Variants in CREBBP observed in about 807,000 individuals in gnomAD.
CREBBP encodes the protein CREB-binding protein.
In CREBBP, 19 loss-of-function variants were observed where a neutral mutation model predicts 265.0. The observed-to-expected ratio is 0.07, with a 90% confidence interval of 0.05 to 0.11. The LOEUF (loss-of-function observed/expected upper bound fraction) is 0.11. CREBBP is among the 10% of genes least tolerant of loss of function. CREBBP has a pLI of 1.00. For synonymous variants in CREBBP, 1,457 were observed against 1,223.7 expected (o/e 1.19, Z -3.98); for missense variants, 2,525 against 3,219.0 (o/e 0.78, Z 5.22).
intron 27 of CREBBP, 80 bp from the exon 28 acceptor site, chr16:3,736,283 G>C (rs995450485): frequency 7.0e-7 from 1 of 1,438,664 alleles, no homozygotes; most frequent in Non-Finnish European, 9.8e-7. Flanking sequence ...CCCCACGCAA[G>C]CGTGCCCCTC....
chr16:3,809,842 C>T (rs369399815), intron 3 of CREBBP, among the ~76,000 whole-genome samples: 1 of 152,120 alleles, frequency 6.6e-6, no homozygotes, highest in African/African-American at 2.4e-5. Context: ...ATCACTATGG[C>T]AGCTGGGAAG....
At chr16:3,776,698 C>G (rs1012667978) in intron 11 of CREBBP, among the ~76,000 whole-genome samples, 1 of 152,076 alleles carries the variant, frequency 6.6e-6, no homozygotes, top group Non-Finnish European at 1.5e-5. Flanking sequence ...CGTACCACAC[C>G]CCCTTCACCA....
rs757115356 is a variant in CREBBP, at chr16:3,728,491, T to C, written c.6556A>G (p.Asn2186Asp). 3.7e-6 allele frequency: 6 copies of C among 1,613,998 alleles called. No homozygotes were observed. The highest frequency in any genetic ancestry group is 5.1e-6 in the Non-Finnish European group (6 of 1,179,978). ...CGTAACATTTCTCGGTACTGTGGATTCATACTCGCCATGTTGGGGTTGTGT... is the reference window on the plus strand; with the variant it reads ...CGTAACATTTCTCGGTACTGTGGATCCATACTCGCCATGTTGGGGTTGTGT... ...PGHNPNMASM[N>D]PQYREMLRRQ... The change falls in exon 31 of 31, where the codon AAT becomes GAT. Residue 2186 changes from asparagine (N) to aspartate (D), a missense_variant. Physicochemically the swap from Asn to Asp is conservative, Grantham distance 23. Coordinates refer to ENST00000262367, the MANE Select transcript of CREBBP (RefSeq NM_004380.3). This position sits in a 1 kb window ranked among gnomAD's most constrained non-coding sequence, Gnocchi z 8.7.
Position 3,847,704 on chromosome 16 carries a change from G to A in CREBBP, c.798+2593C>T, listed in dbSNP as rs369212149. Among the ~76,000 whole-genome samples, 9 of 152,282 alleles carry A rather than the reference G, an allele frequency of 5.9e-5. No homozygotes were observed. In the South Asian group the frequency reaches 1.2e-3, roughly 21 times the overall value. Reference sequence around the variant, plus strand: ...GACAGAGAAGCATGAAGTGTTACAGGTGTAATCAGCAAAGTCCAACTTCTG... The same window carrying A: ...GACAGAGAAGCATGAAGTGTTACAGATGTAATCAGCAAAGTCCAACTTCTG... On this transcript the variant is annotated intron_variant, in intron 2 of 30. Coordinates refer to ENST00000262367, the MANE Select transcript of CREBBP (RefSeq NM_004380.3).
chr16:3,738,551 A>G lies in CREBBP; in HGVS notation c.4394+8T>C, dbSNP rs750961246. On this transcript the variant is annotated splice_region_variant and intron_variant, in intron 26 of 30. Transcript: ENST00000262367. The stretch of plus-strand genomic sequence containing the variant: ...TTACTAGTTCCAAATAATTTAATCC[A>G]AACTCACCCTAATTTCTTCACATAC... 9.0e-6 allele frequency: 14 copies of G among 1,550,816 alleles called. No homozygotes were observed. The Admixed American group carries it at 1.0e-4, about 11-fold the overall frequency.
intron 1 of CREBBP, among the ~76,000 whole-genome samples, chr16:3,871,438 T>C (rs554400175): frequency 1.3e-5 from 2 of 152,330 alleles, no homozygotes; most frequent in South Asian, 4.1e-4. Flanking sequence ...AGGTGACAAA[T>C]ACTCAAAATA....
At position 3,728,365 on chromosome 16, in the gene CREBBP, G is replaced by C. The variant is rs1207709541; in HGVS notation, c.6682C>G (p.His2228Asp). The C allele has an allele frequency of 6.2e-7, 1 of 1,603,164 alleles. No individual in the cohort carries two copies. Among genetic ancestry groups the C allele is most frequent in the South Asian group, 1.1e-5 (1 of 90,230 alleles). ...SAGMAGGMAG[H>D]GQFQQPQGPG... is the part of the protein sequence containing the mutation. Reference sequence around the variant, plus strand: ...CCTTGAGGCTGCTGGAACTGGCCGTGCCCCGCCATGCCCCCAGCCATGCCG... The same window carrying C: ...CCTTGAGGCTGCTGGAACTGGCCGTCCCCCGCCATGCCCCCAGCCATGCCG... Residue 2228 changes from histidine to aspartate, a missense_variant, in exon 31 of 31, where the codon CAC becomes GAC. By Grantham distance (81) the His-to-Asp change is moderately conservative (BLOSUM62 -1). Coordinates refer to ENST00000262367, the MANE Select transcript of CREBBP (RefSeq NM_004380.3). This position sits in a 1 kb window ranked among gnomAD's most constrained non-coding sequence, Gnocchi z 8.7.
chr16:3,778,587 G>A, intron 9 of CREBBP, 113 bp downstream of exon 9: 1 of 925,720 alleles, frequency 1.1e-6, no homozygotes, highest in Non-Finnish European at 1.8e-6. Context: ...CTCAAGGGGA[G>A]GAGTCTGTCC....
In CREBBP at chr16:3,810,799, A is replaced by T; in HGVS notation, c.799-20T>A. On this transcript the variant is annotated intron_variant, in intron 2 of 30. Coordinates refer to ENST00000262367, the MANE Select transcript of CREBBP (RefSeq NM_004380.3). Reference sequence around the variant, plus strand: ...TCCCATCTGAAACAAAAAAGAGGTAACATCAGCTGTGGTGACGCAGTCAAT... The same window carrying T: ...TCCCATCTGAAACAAAAAAGAGGTATCATCAGCTGTGGTGACGCAGTCAAT... 1 of 1,613,376 alleles carries T rather than the reference A, an allele frequency of 6.2e-7. No individual in the cohort carries two copies. Among genetic ancestry groups the T allele is most frequent in the Non-Finnish European group, 8.5e-7 (1 of 1,179,746 alleles).
At chr16:3,853,060 C>G (rs1233698777) in intron 1 of CREBBP, among the ~76,000 whole-genome samples, 1 of 151,912 alleles carries the variant, frequency 6.6e-6, no homozygotes, top group East Asian at 1.9e-4. Context: ...GACACCAGCT[C>G]TGCCTCCAGC....
At chr16:3,771,515 T>G (rs2053007796) in intron 13 of CREBBP, among the ~76,000 whole-genome samples, 1 of 152,158 alleles carries the variant, frequency 6.6e-6, no homozygotes, top group African/African-American at 2.4e-5. Context: ...AAACAACCAT[T>G]GAAACTTATG....
chr16:3,795,675 CT>C (rs773064284), intron 3 of CREBBP, among the ~76,000 whole-genome samples: 2 of 152,150 alleles, frequency 1.3e-5, no homozygotes, highest in Non-Finnish European at 2.9e-5. Flanking sequence ...TGAGCTGCCC[CT>C]GCAAGCATGC....
intron 2 of CREBBP, among the ~76,000 whole-genome samples, chr16:3,820,597 A>G (rs1597002349): frequency 6.6e-6 from 1 of 152,218 alleles, no homozygotes; most frequent in Non-Finnish European, 1.5e-5. Context: ...TCTTTCAAGA[A>G]GCATTCCTTG....
chr16:3,740,373 G>C, intron 24 of CREBBP, 26 bp downstream of exon 24: 4 of 1,613,724 alleles, frequency 2.5e-6, no homozygotes, highest in Non-Finnish European at 3.4e-6. Context: ...TGCTCGCAGA[G>C]CACTGTAGAG....
At chr16:3,775,235 C>A (rs1214659041) in intron 11 of CREBBP, among the ~76,000 whole-genome samples, 1 of 152,164 alleles carries the variant, frequency 6.6e-6, no homozygotes, top group Non-Finnish European at 1.5e-5. Flanking sequence ...TCCAAATGTT[C>A]TTTTAATTTT....
chr16:3,823,082 C>T (rs925040420), intron 2 of CREBBP, among the ~76,000 whole-genome samples: 24 of 152,162 alleles, frequency 1.6e-4, no homozygotes, highest in African/African-American at 5.3e-4. Flanking sequence ...AAAACACACA[C>T]CTATACACAG....
At chr16:3,784,232 AC>A (rs2053337909) in intron 5 of CREBBP, among the ~76,000 whole-genome samples, 2 of 152,244 alleles carry the variant, frequency 1.3e-5, no homozygotes, top group Non-Finnish European at 2.9e-5. Context: ...CCCAATACCT[AC>A]CAGAGCAACT....
intron 2 of CREBBP, among the ~76,000 whole-genome samples, chr16:3,849,484 T>TGTGTGTG (rs2054778434): frequency 8.0e-6 from 1 of 125,004 alleles, no homozygotes; most frequent in Non-Finnish European, 1.7e-5. Context: ...TGTGTGTGTG[T>TGTGTGTG]GTGTGATGTG....
rs759214829 is a variant in CREBBP at position 3,770,557 on chromosome 16, CAGAG to C, written c.2880+9_2880+12del. 5.6e-6 allele frequency: 9 copies of C among 1,611,826 alleles called. No homozygotes were observed. The African/African-American group carries it at 1.1e-4, about 19-fold the overall frequency. ...AGTCTTGGCCCAAAAACAGCAGAGA[CAGAG>C]AGGCTTACCGGTGTGCCAGGAGGCT... On this transcript the variant is annotated intron_variant, in intron 14 of 30. Coordinates refer to ENST00000262367, the MANE Select transcript of CREBBP (RefSeq NM_004380.3).
Sources: allele counts gnomAD v4.1 joint callset (sites outside exome capture counted in the v4.1 genomes callset), GRCh38; gene constraint gnomAD v4.1.1; non-coding constraint Gnocchi (gnomAD v3.1); transcripts MANE v1.5; gene names NCBI Gene and HGNC (gene_info 2026-07-23, HGNC 2026-07-21).